Variants in ATE1 observed in about 807,000 individuals in gnomAD.
ATE1 encodes the protein arginyltransferase 1.
ATE1 carries 36 observed loss-of-function variants against 70.5 expected under a neutral mutation model. The observed-to-expected ratio is 0.51, with a 90% confidence interval of 0.39 to 0.67. The LOEUF (loss-of-function observed/expected upper bound fraction) is 0.67. Among genes scored for constraint, ATE1 ranks in the 30% least tolerant of loss-of-function variants. The pLI is 0.00. For synonymous variants in ATE1, 232 were observed against 219.3 expected (o/e 1.06, Z -0.51); for missense variants, 593 against 629.5 (o/e 0.94, Z 0.62).
intron 7 of ATE1, among the ~76,000 whole-genome samples, chr10:121,886,740 T>C (rs1014438892): frequency 1.3e-5 from 2 of 152,248 alleles, no homozygotes; most frequent in Admixed American, 6.5e-5. Context: ...CTCTTGTTTA[T>C]ATCAATTAGC....
chr10:121,768,965 C>T (rs1206462577), intron 11 of ATE1, among the ~76,000 whole-genome samples: 1 of 151,644 alleles, frequency 6.6e-6, no homozygotes, highest in Non-Finnish European at 1.5e-5. Flanking sequence ...GTAAAGATGT[C>T]AATTCTCCCC....
chr10:121,827,953 T>TA (rs1182246829), intron 10 of ATE1, among the ~76,000 whole-genome samples: 14 of 152,252 alleles, frequency 9.2e-5, no homozygotes, highest in African/African-American at 3.4e-4. Flanking sequence ...GAATTTACTG[T>TA]AATGCATCCT....
chr10:121,798,960 T>C (rs1341772466), intron 10 of ATE1, among the ~76,000 whole-genome samples: 1 of 89,990 alleles, frequency 1.1e-5, no homozygotes, highest in Non-Finnish European at 2.6e-5. Context: ...GATAAAACAA[T>C]AAGATGATAA....
At chr10:121,827,572 G>A (rs994789355) in intron 10 of ATE1, among the ~76,000 whole-genome samples, 4 of 152,144 alleles carry the variant, frequency 2.6e-5, no homozygotes, top group Non-Finnish European at 4.4e-5. Context: ...CTGAGTCCCC[G>A]AACTGATACT....
chr10:121,911,455 A>C (rs147424262), intron 4 of ATE1, among the ~76,000 whole-genome samples: 110 of 151,812 alleles, frequency 7.2e-4, no homozygotes, highest in South Asian at 2.1e-3. Flanking sequence ...AAAAAAAAAA[A>C]AAAAACAAAA....
At chr10:121,787,666 C>T (rs1590297924) in intron 11 of ATE1, among the ~76,000 whole-genome samples, 1 of 152,228 alleles carries the variant, frequency 6.6e-6, no homozygotes, top group Non-Finnish European at 1.5e-5. Flanking sequence ...GAAATGTAAC[C>T]TACTAGTTAC....
intron 10 of ATE1, among the ~76,000 whole-genome samples, chr10:121,831,510 T>C (rs955535216): frequency 1.3e-5 from 2 of 152,154 alleles, no homozygotes; most frequent in East Asian, 3.9e-4. Context: ...ACCTTAACTG[T>C]CAGCTCCGCA....
At chr10:121,773,557 G>C (rs1945608280) in intron 11 of ATE1, among the ~76,000 whole-genome samples, 1 of 152,158 alleles carries the variant, frequency 6.6e-6, no homozygotes, top group Non-Finnish European at 1.5e-5. Flanking sequence ...CCTAAAGGTT[G>C]AGACTTTAAG....
intron 11 of ATE1, among the ~76,000 whole-genome samples, chr10:121,757,104 T>C (rs538303413): frequency 6.0e-4 from 91 of 152,328 alleles, no homozygotes; most frequent in Admixed American, 1.2e-3. Flanking sequence ...TTCTGCCAGA[T>C]ACCCTAAATC....
At chr10:121,924,907 C>T (rs546019895) in intron 1 of ATE1, among the ~76,000 whole-genome samples, 1 of 152,226 alleles carries the variant, frequency 6.6e-6, no homozygotes, top group African/African-American at 2.4e-5. Context: ...TCTATGACAG[C>T]ATAAATTTAA....
chr10:121,828,841 T>C (rs928010760), intron 10 of ATE1, among the ~76,000 whole-genome samples: 11 of 152,354 alleles, frequency 7.2e-5, no homozygotes, highest in East Asian at 3.9e-4. Flanking sequence ...ATGAGCTCTT[T>C]TGTGTTATTT....
At chr10:121,831,398 A>AAC (rs376815651) in intron 10 of ATE1, among the ~76,000 whole-genome samples, 2 of 152,100 alleles carry the variant, frequency 1.3e-5, no homozygotes, top group African/African-American at 4.8e-5. Context: ...GCAGACAGAC[A>AAC]ACACACACAC....
intron 10 of ATE1, among the ~76,000 whole-genome samples, chr10:121,817,659 G>A (rs1947613418): frequency 6.6e-6 from 1 of 152,120 alleles, no homozygotes; most frequent in Admixed American, 6.5e-5. Flanking sequence ...CAGCATCTAA[G>A]CTGCAATGGA....
chr10:121,818,671 T>A (rs1947660896), intron 10 of ATE1, among the ~76,000 whole-genome samples: 1 of 152,242 alleles, frequency 6.6e-6, no homozygotes, highest in African/African-American at 2.4e-5. Flanking sequence ...TGGATTATCA[T>A]CTTGGGAGGA....
chr10:121,819,720 C>G (rs1256727861), intron 10 of ATE1, among the ~76,000 whole-genome samples: 1 of 141,182 alleles, frequency 7.1e-6, no homozygotes, highest in Non-Finnish European at 1.5e-5. Flanking sequence ...ACATTGGGTA[C>G]AGTGTACGCT....
intron 11 of ATE1, among the ~76,000 whole-genome samples, chr10:121,785,583 A>G (rs1191867309): frequency 6.6e-6 from 1 of 152,186 alleles, no homozygotes. Flanking sequence ...AGCAAGAATG[A>G]TGGGCAGAGT....
chr10:121,763,988 C>T (rs745945060), intron 11 of ATE1, among the ~76,000 whole-genome samples: 2 of 152,014 alleles, frequency 1.3e-5, no homozygotes, highest in South Asian at 2.1e-4. Context: ...CACTCCAGAG[C>T]GACACAGCAA....
chr10:121,882,653 C>A (rs1950263701), intron 7 of ATE1, among the ~76,000 whole-genome samples: 2 of 152,142 alleles, frequency 1.3e-5, no homozygotes, highest in Non-Finnish European at 2.9e-5. Flanking sequence ...TCAACAATAT[C>A]CTGACCCAAA....
At chr10:121,824,136 A>C (rs1428882107) in intron 10 of ATE1, among the ~76,000 whole-genome samples, 1 of 152,130 alleles carries the variant, frequency 6.6e-6, no homozygotes, top group Non-Finnish European at 1.5e-5. Context: ...GGCATCAAAA[A>C]TCCCTTACTA....
Sources: gnomAD v4.1 joint callset for allele counts (sites outside exome capture counted in the v4.1 genomes callset) on GRCh38, gnomAD v4.1.1 for gene constraint, MANE v1.5 for transcripts, NCBI Gene and HGNC (gene_info 2026-07-23, HGNC 2026-07-21) for gene names.